Variants in PRKDC observed in about 807,000 individuals in gnomAD.
The protein encoded by PRKDC is DNA-dependent protein kinase catalytic subunit.
A neutral mutation model predicts 486.9 loss-of-function variants in PRKDC; 82 were observed. The observed-to-expected ratio is 0.17, with a 90% CI of 0.14 to 0.20. PRKDC has a LOEUF of 0.20. PRKDC is among the 10% of genes least tolerant of loss of function. The pLI, the probability that PRKDC is intolerant of heterozygous loss-of-function variation, is 1.00. For synonymous variants in PRKDC, 1,895 were observed against 1,837.0 expected (o/e 1.03, Z -0.81); for missense variants, 4,504 against 5,038.2 (o/e 0.89, Z 3.21).
intron 50 of PRKDC, 22 bp downstream of exon 50, chr8:47,855,200 C>T (rs1239424611): frequency 1.9e-6 from 3 of 1,558,140 alleles, no homozygotes; most frequent in Non-Finnish European, 2.6e-6. Flanking sequence ...CTAAACAATA[C>T]TGCAAAAACC....
chr8:47,776,773 A>C (rs959046312), intron 85 of PRKDC, 71 bp downstream of exon 85: 3 of 1,552,716 alleles, frequency 1.9e-6, no homozygotes, highest in Non-Finnish European at 2.6e-6. Flanking sequence ...CACTTTGTAT[A>C]TATGTTGGCT....
At chr8:47,810,918 CAG>C (rs1472534715) in intron 68 of PRKDC, among the ~76,000 whole-genome samples, 1 of 152,058 alleles carries the variant, frequency 6.6e-6, no homozygotes, top group Non-Finnish European at 1.5e-5. Context: ...TAAAAATGAA[CAG>C]AGTCAGGGAC....
At chr8:47,836,289 C>T in intron 58 of PRKDC, 49 bp downstream of exon 58, 2 of 1,413,126 alleles carry the variant, frequency 1.4e-6, no homozygotes, top group East Asian at 2.4e-5. Flanking sequence ...AAGCTGCCCA[C>T]AGAGGTCAGG....
rs147280170 is a variant in PRKDC, at chr8:47,798,121, C to T, written c.10458+116G>A. Reference sequence around the variant, plus strand: ...CCTCAGAATGTAGCAGAATTCACAGCTGGCTGGGAAAAGCTATAATACATG... The same window carrying T: ...CCTCAGAATGTAGCAGAATTCACAGTTGGCTGGGAAAAGCTATAATACATG... On this transcript the variant is annotated intron_variant, in intron 73 of 85. Transcript: ENST00000314191. 239 of 1,111,988 alleles carry T rather than the reference C, an allele frequency of 2.1e-4. 1 individual carries two copies. In the East Asian group the frequency reaches 5.6e-3, roughly 26 times the overall value. The allele number at this position is 1,111,988 out of a possible 1,614,324, so 68.9% of individuals were successfully genotyped here. A position where few individuals can be genotyped will look rare whatever the true frequency, so the allele number is the denominator to read the frequency against.
At chr8:47,830,553 A>G in intron 61 of PRKDC, 52 bp downstream of exon 61, 1 of 1,599,480 alleles carries the variant, frequency 6.3e-7, no homozygotes, top group South Asian at 1.1e-5. Context: ...AAACCCCTGA[A>G]CTGGAAACAG....
chr8:47,876,382 C>A (rs970696605), intron 40 of PRKDC, among the ~76,000 whole-genome samples: 2 of 152,078 alleles, frequency 1.3e-5, no homozygotes, highest in African/African-American at 2.4e-5. Flanking sequence ...ATAATCGGGG[C>A]CAGGCGGGAT....
At chr8:47,776,758 C>T (rs551063618) in intron 85 of PRKDC, 86 bp downstream of exon 85, 6 of 1,506,208 alleles carry the variant, frequency 4.0e-6, no homozygotes, top group African/African-American at 1.4e-5. Context: ...GTGTCAAGAG[C>T]TCAGCACTTT....
At position 47,837,200 on chromosome 8, in the gene PRKDC, A is replaced by T. The variant is rs1250382656; in HGVS notation, c.7761+12T>A. The T allele has an allele frequency of 6.2e-7, 1 of 1,603,704 alleles. No individual in the cohort carries two copies. The highest frequency in any genetic ancestry group is 1.1e-5 in the South Asian group (1 of 90,392). ...ATAATATTCACTACTATGAGAGAGA[A>T]GACCACATTACCTGAAATTCGCATT... On this transcript the variant is annotated intron_variant, in intron 57 of 85. Transcript: ENST00000314191.
At chr8:47,908,412 T>C (rs1056278778) in intron 25 of PRKDC, among the ~76,000 whole-genome samples, 1 of 152,340 alleles carries the variant, frequency 6.6e-6, no homozygotes, top group Middle Eastern at 3.4e-3. Context: ...TTTTGTGCCA[T>C]TCAGTAGTCT....
At position 47,773,893 on chromosome 8, in the gene PRKDC, A is replaced by T. The variant is rs2086561133; in HGVS notation, c.*280T>A. ...GCACTTGTAAATGCTTTGAAAGCTG[A>T]TCACATATTATATTCTTGACTTAAT... On this transcript the variant is annotated 3_prime_UTR_variant, in exon 86 of 86. Transcript: ENST00000314191. 3.2e-6 allele frequency: 1 copy of T among 310,136 alleles called. No homozygotes were observed. The highest frequency in any genetic ancestry group is 4.8e-5 in the East Asian group (1 of 20,886). 19.2% of individuals were successfully genotyped at this position (310,136 alleles called of 1,614,324 possible).
Position 47,934,913 on chromosome 8 carries a change from G to A in PRKDC, c.1497+96C>T, listed in dbSNP as rs748138260. 8.2e-4 allele frequency: 731 copies of A among 887,748 alleles called. 1 individual carries two copies. Among genetic ancestry groups the A allele is most frequent in the Non-Finnish European group, 1.2e-3 (695 of 576,336 alleles). The allele number at this position is 887,748 out of a possible 1,614,324, so 55.0% of individuals were successfully genotyped here. A position where few individuals can be genotyped will look rare whatever the true frequency, so the allele number is the denominator to read the frequency against. ...CATTGCTAATAACTAAGAAAAGAAC[G>A]GCCACTTTTGCAAAATTATATTCGA... On this transcript the variant is annotated intron_variant, in intron 14 of 85. Transcript: ENST00000314191.
chr8:47,898,705 C>T, intron 28 of PRKDC, 136 bp from the exon 29 acceptor site: 1 of 511,962 alleles, frequency 2.0e-6, no homozygotes, highest in Non-Finnish European at 3.2e-6. Context: ...GTTTTCATCC[C>T]TAAGAATAAT....
At chr8:47,891,682 T>C (rs990315578) in intron 31 of PRKDC, among the ~76,000 whole-genome samples, 67 of 151,900 alleles carry the variant, frequency 4.4e-4, no homozygotes, top group African/African-American at 1.5e-3. Flanking sequence ...ATCGCGCCAC[T>C]GCACTCCAGC....
At chr8:47,850,283 T>A (rs1296119276) in intron 52 of PRKDC, among the ~76,000 whole-genome samples, 1 of 152,034 alleles carries the variant, frequency 6.6e-6, no homozygotes, top group Non-Finnish European at 1.5e-5. Flanking sequence ...GACCGAACAG[T>A]TTTTCAATGC....
At chr8:47,915,919 G>T (rs2089975354) in intron 22 of PRKDC, among the ~76,000 whole-genome samples, 1 of 152,186 alleles carries the variant, frequency 6.6e-6, no homozygotes, top group African/African-American at 2.4e-5. Context: ...TTAAAGGTTA[G>T]TTACAATGTC....
At chr8:47,824,326 T>C (rs570560171) in intron 63 of PRKDC, among the ~76,000 whole-genome samples, 1 of 151,964 alleles carries the variant, frequency 6.6e-6, no homozygotes, top group East Asian at 1.9e-4. Flanking sequence ...TACAAAAAAT[T>C]AGCTGGGCAT....
chr8:47,791,891 C>T lies in PRKDC; in HGVS notation c.10670+2399G>A, dbSNP rs145598231. 3.8e-3 allele frequency among the ~76,000 whole-genome samples: 586 copies of T among 152,304 alleles called. 4 individuals carry two copies. Among genetic ancestry groups the T allele is most frequent in the South Asian group, 0.025 (120 of 4,824 alleles). Reference sequence around the variant, plus strand: ...AAAGGATATCAGTATGATATCTGCACTCCCATGTTTATTGCAGCACTATTC... The same window carrying T: ...AAAGGATATCAGTATGATATCTGCATTCCCATGTTTATTGCAGCACTATTC... On this transcript the variant is annotated intron_variant, in intron 74 of 85. Coordinates refer to ENST00000314191, the MANE Select transcript of PRKDC (RefSeq NM_006904.7).
chr8:47,807,771 A>G (rs2087247423), intron 68 of PRKDC, among the ~76,000 whole-genome samples: 1 of 151,362 alleles, frequency 6.6e-6, no homozygotes, highest in Non-Finnish European at 1.5e-5. Context: ...GATGGAGTGC[A>G]GTGGCACGAT....
intron 35 of PRKDC, among the ~76,000 whole-genome samples, chr8:47,886,924 A>G (rs557036046): frequency 6.6e-6 from 1 of 152,318 alleles, no homozygotes; most frequent in African/African-American, 2.4e-5. Flanking sequence ...TCCTGGGCTC[A>G]AGCCATCTGC....
Sources: gnomAD v4.1 joint callset for allele counts (sites outside exome capture counted in the v4.1 genomes callset) on GRCh38, gnomAD v4.1.1 for gene constraint, MANE v1.5 for transcripts, NCBI Gene and HGNC (gene_info 2026-07-23, HGNC 2026-07-21) for gene names.